Variants in HCRTR2 observed in about 807,000 individuals in gnomAD.
The protein encoded by HCRTR2 is orexin receptor type 2.
HCRTR2 carries 22 observed loss-of-function variants against 49.0 expected under a neutral mutation model. The observed-to-expected ratio is 0.45, with a 90% CI of 0.32 to 0.64. HCRTR2 has a LOEUF of 0.64. Ranked by LOEUF, HCRTR2 falls within the 30% of genes least tolerant of loss-of-function variation. The probability of loss-of-function intolerance (pLI) is 0.04; values close to 1 mark genes in which losing one functional copy is unlikely to be tolerated. For missense variants in HCRTR2, 491 were observed against 559.4 expected (o/e 0.88, Z 1.23); for synonymous variants, 236 against 205.3 (o/e 1.15, Z -1.28).
chr6:55,252,094 TTAA>T (rs1343887842), intron 2 of HCRTR2, among the ~76,000 whole-genome samples: 2 of 152,142 alleles, frequency 1.3e-5, no homozygotes, highest in African/African-American at 4.8e-5. Flanking sequence ...TAATTGTATA[TTAA>T]TGTGTTAATT....
chr6:55,117,148 T>C (rs965235511), intron 1 of HCRTR2, among the ~76,000 whole-genome samples: 4 of 151,846 alleles, frequency 2.6e-5, no homozygotes, highest in African/African-American at 9.7e-5. Flanking sequence ...ATGATCCATA[T>C]TGTAAAAATG....
intron 1 of HCRTR2, among the ~76,000 whole-genome samples, chr6:55,112,500 C>T (rs547426853): frequency 4.1e-5 from 6 of 147,956 alleles, no homozygotes; most frequent in South Asian, 2.1e-4. Flanking sequence ...TACACTAACA[C>T]GACCAAGCTG....
intron 6 of HCRTR2, chr6:55,280,686 A>G (rs893986291): frequency 6.4e-6 from 1 of 156,342 alleles, no homozygotes; most frequent in Non-Finnish European, 1.4e-5. Context: ...AAAAGTAAAC[A>G]TTCTGAGAAA....
intron 1 of HCRTR2, among the ~76,000 whole-genome samples, chr6:55,209,073 T>A (rs949561989): frequency 3.9e-5 from 6 of 152,206 alleles, no homozygotes; most frequent in African/African-American, 1.4e-4. Context: ...TATGTTAATA[T>A]AATAATAGGG....
chr6:55,142,764 C>T (rs1764525504), intron 1 of HCRTR2, among the ~76,000 whole-genome samples: 1 of 150,578 alleles, frequency 6.6e-6, no homozygotes, highest in Non-Finnish European at 1.5e-5. Context: ...GTATTCTTTC[C>T]CCACTGTGTA....
chr6:55,167,734 T>A (rs1581804141), intron 1 of HCRTR2, among the ~76,000 whole-genome samples: 1 of 152,160 alleles, frequency 6.6e-6, no homozygotes, highest in Non-Finnish European at 1.5e-5. Context: ...TCTAGCAGGG[T>A]GTCTGGAATG....
intron 1 of HCRTR2, among the ~76,000 whole-genome samples, chr6:55,109,776 T>A (rs1764024745): frequency 6.6e-6 from 1 of 152,166 alleles, no homozygotes; most frequent in Non-Finnish European, 1.5e-5. Flanking sequence ...AAGAGAAATC[T>A]AAAAGTTTGT....
intron 4 of HCRTR2, among the ~76,000 whole-genome samples, chr6:55,275,052 G>A (rs1767051187): frequency 6.6e-6 from 1 of 152,018 alleles, no homozygotes; most frequent in South Asian, 2.1e-4. Flanking sequence ...CATGTAAGTT[G>A]GCAAATTCAT....
chr6:55,184,749 G>T (rs549099001), intron 1 of HCRTR2, among the ~76,000 whole-genome samples: 3 of 152,274 alleles, frequency 2.0e-5, no homozygotes, highest in African/African-American at 7.2e-5. Flanking sequence ...ATACAACAAT[G>T]ATTAAAAATT....
At position 55,282,265 on chromosome 6, in the gene HCRTR2, T is replaced by C; in HGVS notation, c.1146T>C (p.Cys382=). 1 of 1,613,918 alleles carries C rather than the reference T, an allele frequency of 6.2e-7. No individual in the cohort carries two copies. The highest frequency in any genetic ancestry group is 8.5e-7 in the Non-Finnish European group (1 of 1,179,926). The change falls in exon 7 of 7, where the codon TGT becomes TGC. Residue 382 remains cysteine (C), a synonymous_variant. Coordinates refer to ENST00000370862, the MANE Select transcript of HCRTR2 (RefSeq NM_001384272.1). ...REEFKAAFSC[C]CLGVHHRQED... is the part of the protein sequence containing the mutation. Reference sequence around the variant, plus strand: ...AATTTAAAGCTGCGTTTTCTTGCTGTTGCCTTGGAGTTCACCATCGCCAGG... The same window carrying C: ...AATTTAAAGCTGCGTTTTCTTGCTGCTGCCTTGGAGTTCACCATCGCCAGG...
At chr6:55,212,812 A>T (rs1765720011) in intron 1 of HCRTR2, among the ~76,000 whole-genome samples, 1 of 152,200 alleles carries the variant, frequency 6.6e-6, no homozygotes, top group Non-Finnish European at 1.5e-5. Context: ...ATAAGTGATT[A>T]AGTGATGTTA....
At chr6:55,200,234 CT>C (rs1765487597) in intron 1 of HCRTR2, among the ~76,000 whole-genome samples, 1 of 98,868 alleles carries the variant, frequency 1.0e-5, no homozygotes, top group Non-Finnish European at 2.0e-5. Flanking sequence ...TGTTTGCTGT[CT>C]TGTGTGTGTG....
chr6:55,270,037 T>C (rs957638825), intron 4 of HCRTR2, among the ~76,000 whole-genome samples: 3 of 152,228 alleles, frequency 2.0e-5, no homozygotes, highest in South Asian at 4.1e-4. Flanking sequence ...ATGGATTCCA[T>C]GCAGCAGTTA....
At position 55,159,634 on chromosome 6, in the gene HCRTR2, A is replaced by C. The variant is rs1177849156; in HGVS notation, c.-377-14577A>C. 4.6e-5 allele frequency among the ~76,000 whole-genome samples: 7 copies of C among 152,342 alleles called. No individual in the cohort carries two copies. In the Middle Eastern group the frequency reaches 0.014, roughly 296 times the overall value. On this transcript the variant is annotated intron_variant, in intron 1 of 7. Transcript: ENST00000615358. ...CTAACTAGAATAACCAGTTTAGAGA[A>C]GAGCATAAATGACCTGATGGAGCTG...
chr6:55,170,045 C>T (rs979718223), upstream of HCRTR2, among the ~76,000 whole-genome samples: 7 of 2,952 alleles, frequency 2.4e-3, no homozygotes, highest in Admixed American at 0.041. Context: ...CCTATAACCA[C>T]CAAGAAAAAA....
At chr6:55,270,749 T>C (rs1217233385) in intron 4 of HCRTR2, among the ~76,000 whole-genome samples, 1 of 152,218 alleles carries the variant, frequency 6.6e-6, no homozygotes. Context: ...ATCTACAAGA[T>C]ATCTTTTTAT....
At chr6:55,185,742 C>G (rs565766195) in intron 1 of HCRTR2, among the ~76,000 whole-genome samples, 4 of 152,282 alleles carry the variant, frequency 2.6e-5, no homozygotes, top group African/African-American at 9.6e-5. Context: ...GATAAATACA[C>G]TAAAGATGAA....
chr6:55,239,824 C>A (rs1282729071), intron 1 of HCRTR2, among the ~76,000 whole-genome samples: 2 of 138,168 alleles, frequency 1.4e-5, no homozygotes, highest in Non-Finnish European at 3.0e-5. Context: ...GTCGCCCAGG[C>A]TGGAGCACAG....
intron 1 of HCRTR2, among the ~76,000 whole-genome samples, chr6:55,119,895 T>C (rs780174808): frequency 3.9e-5 from 6 of 152,308 alleles, no homozygotes; most frequent in East Asian, 3.9e-4. Flanking sequence ...AGGATTTTTA[T>C]GGTTTTAGGT....
Sources: allele counts gnomAD v4.1 joint callset (sites outside exome capture counted in the v4.1 genomes callset), GRCh38; gene constraint gnomAD v4.1.1; transcripts MANE v1.5; gene names NCBI Gene and HGNC (gene_info 2026-07-23, HGNC 2026-07-21).